Variants in NCAM2 observed in about 807,000 individuals in gnomAD.
NCAM2 encodes N-CAM-2.
Under a neutral mutation model 98.1 loss-of-function variants are expected in NCAM2, and 30 were observed. The observed-to-expected ratio is 0.31, with a 90% CI of 0.23 to 0.41. The LOEUF is 0.41. Ranked by LOEUF, NCAM2 falls within the 10% of genes least tolerant of loss-of-function variation. NCAM2 has a pLI of 1.00. For synonymous variants in NCAM2, 368 were observed against 342.4 expected, an observed-to-expected ratio of 1.07 and a Z score of -0.83; for missense variants, 867 against 1,005.8, an observed-to-expected ratio of 0.86 and a Z score of 1.87.
At chr21:21,479,158 TTAA>T (rs1423902612) in intron 15 of NCAM2, among the ~76,000 whole-genome samples, 2 of 118,608 alleles carry the variant, frequency 1.7e-5, no homozygotes, top group African/African-American at 2.8e-5. Flanking sequence ...TCCGTTTAAT[TTAA>T]TAATGTATTA....
At chr21:21,516,176 G>T (rs1274774561) in intron 16 of NCAM2, among the ~76,000 whole-genome samples, 1 of 152,078 alleles carries the variant, frequency 6.6e-6, no homozygotes, top group Non-Finnish European at 1.5e-5. Context: ...GTACTCTTTC[G>T]TGTCTGGCTT....
intron 11 of NCAM2, among the ~76,000 whole-genome samples, chr21:21,422,955 AT>A (rs1460334621): frequency 3.3e-5 from 5 of 152,108 alleles, no homozygotes; most frequent in Non-Finnish European, 7.4e-5. Context: ...CTGACAAGGC[AT>A]TCTGTATATT....
chr21:21,182,980 T>A (rs1457727003), intron 1 of NCAM2, among the ~76,000 whole-genome samples: 5 of 152,172 alleles, frequency 3.3e-5, no homozygotes, highest in Admixed American at 6.6e-5. Flanking sequence ...ACGTGTACTT[T>A]TATAATGTTT....
At chr21:21,196,867 T>C (rs2069022176) in intron 1 of NCAM2, among the ~76,000 whole-genome samples, 1 of 152,170 alleles carries the variant, frequency 6.6e-6, no homozygotes, top group African/African-American at 2.4e-5. Flanking sequence ...TCATGAATGA[T>C]TTAACATCGT....
At chr21:21,395,630 G>T (rs1003703419) in intron 9 of NCAM2, among the ~76,000 whole-genome samples, 1 of 152,004 alleles carries the variant, frequency 6.6e-6, no homozygotes, top group African/African-American at 2.4e-5. Flanking sequence ...ATACTATAAG[G>T]CTATAGTCAA....
chr21:21,020,911 C>T (rs1337061573), intron 1 of NCAM2, among the ~76,000 whole-genome samples: 4 of 152,034 alleles, frequency 2.6e-5, no homozygotes, highest in Admixed American at 1.3e-4. Context: ...TCTAGAGTAC[C>T]GTCCATGCTT....
At chr21:21,268,574 A>T (rs2072375713) in intron 1 of NCAM2, among the ~76,000 whole-genome samples, 2 of 152,154 alleles carry the variant, frequency 1.3e-5, no homozygotes, top group African/African-American at 4.8e-5. Context: ...ATTTCGTTAT[A>T]TCAGCCTTTC....
chr21:21,431,066 A>C (rs899964079), intron 11 of NCAM2, among the ~76,000 whole-genome samples: 29 of 149,692 alleles, frequency 1.9e-4, no homozygotes, highest in African/African-American at 7.1e-4. Flanking sequence ...AAAAAAAAAA[A>C]AAAAATTCAA....
intron 5 of NCAM2, among the ~76,000 whole-genome samples, chr21:21,319,457 A>G (rs139842881): frequency 0.018 from 2,715 of 152,244 alleles, 92 homozygotes; most frequent in East Asian, 0.15. Flanking sequence ...CCTGGCCAAC[A>G]TGGTGAAACC....
rs1010606583 is a variant in NCAM2 at position 21,471,743 on chromosome 21, G to A, written c.1896+2960G>A. On this transcript the variant is annotated intron_variant, in intron 14 of 17. Coordinates refer to ENST00000400546, the MANE Select transcript of NCAM2 (RefSeq NM_004540.5). ...GTTTCACTGGGAAAGGACAAGAATAGCTATATCCTATTATAGAAAGTGTAA... is the reference window on the plus strand; with the variant it reads ...GTTTCACTGGGAAAGGACAAGAATAACTATATCCTATTATAGAAAGTGTAA... Among the ~76,000 whole-genome samples the A allele has an allele frequency of 2.0e-5, 3 of 152,068 alleles. No individual in the cohort carries two copies. The East Asian group carries it at 5.8e-4, about 29-fold the overall frequency.
chr21:21,186,471 G>A (rs1401687355), intron 1 of NCAM2, among the ~76,000 whole-genome samples: 2 of 152,038 alleles, frequency 1.3e-5, no homozygotes, highest in African/African-American at 4.8e-5. Flanking sequence ...TTTGAAAAAT[G>A]GATAAGACCA....
chr21:21,508,347 G>A (rs566759961), intron 15 of NCAM2, among the ~76,000 whole-genome samples: 5 of 152,020 alleles, frequency 3.3e-5, no homozygotes, highest in Admixed American at 1.3e-4. Flanking sequence ...TTAAAATAAC[G>A]CGCTCAGAAC....
At chr21:21,318,153 AT>A in intron 5 of NCAM2, among the ~76,000 whole-genome samples, 1 of 152,204 alleles carries the variant, frequency 6.6e-6, no homozygotes, top group African/African-American at 2.4e-5. Flanking sequence ...GTTTCTTGAA[AT>A]ACTCTGAGGG....
intron 1 of NCAM2, among the ~76,000 whole-genome samples, chr21:21,232,756 T>C (rs1344635343): frequency 6.6e-6 from 1 of 151,704 alleles, no homozygotes; most frequent in East Asian, 1.9e-4. Flanking sequence ...AATCCCAACA[T>C]TGCTTTAGTT....
At chr21:21,503,009 A>G (rs1987735049) in intron 15 of NCAM2, among the ~76,000 whole-genome samples, 1 of 152,010 alleles carries the variant, frequency 6.6e-6, no homozygotes, top group African/African-American at 2.4e-5. Context: ...GTGGTTTTTG[A>G]AAAGCTAGTA....
chr21:21,347,670 T>C (rs564075755), intron 8 of NCAM2, among the ~76,000 whole-genome samples: 1 of 152,124 alleles, frequency 6.6e-6, no homozygotes, highest in South Asian at 2.1e-4. Flanking sequence ...AGTATTACTT[T>C]GATACCTAAA....
At chr21:21,142,857 A>G (rs1002359880) in intron 1 of NCAM2, among the ~76,000 whole-genome samples, 6 of 152,144 alleles carry the variant, frequency 3.9e-5, no homozygotes, top group Non-Finnish European at 8.8e-5. Flanking sequence ...TTCCTCATTC[A>G]TTCATTTTCA....
chr21:21,205,634 A>T (rs1363828582), intron 1 of NCAM2, among the ~76,000 whole-genome samples: 2 of 151,986 alleles, frequency 1.3e-5, no homozygotes, highest in African/African-American at 4.8e-5. Context: ...AGGATCTTTA[A>T]TTTTTTTTAA....
chr21:21,240,824 C>T (rs1028319327), intron 1 of NCAM2, among the ~76,000 whole-genome samples: 17 of 152,074 alleles, frequency 1.1e-4, no homozygotes, highest in Admixed American at 2.0e-4. Flanking sequence ...TTTCAATTCT[C>T]CTCTGAAAAC....
Sources: gnomAD v4.1 joint callset for allele counts (sites outside exome capture counted in the v4.1 genomes callset) on GRCh38, gnomAD v4.1.1 for gene constraint, MANE v1.5 for transcripts, NCBI Gene and HGNC (gene_info 2026-07-23, HGNC 2026-07-21) for gene names.